Variants in PIP5K1B observed in about 807,000 individuals in gnomAD.
The protein encoded by PIP5K1B is phosphatidylinositol-4-phosphate 5-kinase type 1 beta, also known as phosphatidylinositol 4-phosphate 5-kinase type-1 beta.
PIP5K1B carries 42 observed loss-of-function variants against 67.0 expected under a neutral mutation model. The ratio of observed to expected loss-of-function variants is 0.63; its 90% confidence interval spans 0.49 to 0.81. The LOEUF (loss-of-function observed/expected upper bound fraction) is 0.81. Ranked by LOEUF, PIP5K1B falls within the 30% of genes least tolerant of loss-of-function variation. The pLI is 0.00. For synonymous variants in PIP5K1B, 214 were observed against 231.4 expected (o/e 0.92, Z 0.68); for missense variants, 459 against 646.3 (o/e 0.71, Z 3.14).
chr9:68,872,220 A>G (rs1271040609), intron 5 of PIP5K1B, among the ~76,000 whole-genome samples: 1 of 152,124 alleles, frequency 6.6e-6, no homozygotes, highest in Non-Finnish European at 1.5e-5. Context: ...ACACACAGTA[A>G]ATGTGCCAGC....
At chr9:68,807,198 A>G (rs1354182728) in intron 2 of PIP5K1B, among the ~76,000 whole-genome samples, 2 of 152,166 alleles carry the variant, frequency 1.3e-5, no homozygotes, top group Non-Finnish European at 2.9e-5. Flanking sequence ...CCGGGAATAC[A>G]TGTTTGAGTA....
chr9:68,973,353 G>A (rs1459818787), intron 14 of PIP5K1B, among the ~76,000 whole-genome samples: 1 of 152,182 alleles, frequency 6.6e-6, no homozygotes, highest in African/African-American at 2.4e-5. Context: ...AGCATTTTTA[G>A]TAATAGCCAT....
intron 6 of PIP5K1B, among the ~76,000 whole-genome samples, chr9:68,882,878 T>C (rs1280919303): frequency 6.6e-6 from 1 of 152,168 alleles, no homozygotes. Context: ...CTCAGAATGT[T>C]TTAGTGTCTC....
chr9:68,869,695 A>G (rs952377424), intron 5 of PIP5K1B, among the ~76,000 whole-genome samples: 3 of 152,210 alleles, frequency 2.0e-5, no homozygotes, highest in African/African-American at 7.2e-5. Context: ...AAGATTGCCA[A>G]GGCTGGCTGC....
intron 14 of PIP5K1B, chr9:68,941,021 T>C: frequency 1.6e-6 from 1 of 627,972 alleles, no homozygotes; most frequent in Non-Finnish European, 3.0e-6. Context: ...AGAAATTATA[T>C]ACTTGGCTCA....
intron 15 of PIP5K1B, among the ~76,000 whole-genome samples, chr9:69,005,674 C>T (rs892003210): frequency 1.3e-5 from 2 of 152,200 alleles, no homozygotes; most frequent in East Asian, 1.9e-4. Flanking sequence ...CCACCACACC[C>T]GGACTTTACA....
intron 8 of PIP5K1B, among the ~76,000 whole-genome samples, chr9:68,915,249 G>A (rs1314944655): frequency 5.3e-5 from 8 of 151,878 alleles, no homozygotes; most frequent in East Asian, 1.9e-4. Flanking sequence ...GAAAGGAAGC[G>A]CTAGCACTGA....
intron 14 of PIP5K1B, among the ~76,000 whole-genome samples, chr9:68,983,238 A>G (rs984423523): frequency 6.6e-6 from 1 of 152,124 alleles, no homozygotes; most frequent in Non-Finnish European, 1.5e-5. Context: ...CCTTTAAAAG[A>G]GGTTATTGAG....
At chr9:68,709,095 CTT>C (rs1827261265) in intron 1 of PIP5K1B, among the ~76,000 whole-genome samples, 1 of 152,064 alleles carries the variant, frequency 6.6e-6, no homozygotes, top group African/African-American at 2.4e-5. Context: ...ACAGTTTTGA[CTT>C]TTAGAAATCA....
chr9:68,840,326 G>A (rs868643470), intron 4 of PIP5K1B, among the ~76,000 whole-genome samples: 4 of 151,384 alleles, frequency 2.6e-5, no homozygotes, highest in Middle Eastern at 3.4e-3. Context: ...GTAGTGAACT[G>A]AGATCGCGCC....
intron 6 of PIP5K1B, among the ~76,000 whole-genome samples, chr9:68,882,752 C>T (rs184343808): frequency 2.0e-5 from 3 of 152,306 alleles, no homozygotes; most frequent in Non-Finnish European, 2.9e-5. Context: ...AATCCAAATT[C>T]CTAAAGAGAG....
rs529527033 is a variant in PIP5K1B at position 68,955,951 on chromosome 9, G to A, written c.1502+15161G>A. On this transcript the variant is annotated intron_variant, in intron 14 of 15. Coordinates refer to ENST00000265382, the MANE Select transcript of PIP5K1B (RefSeq NM_003558.4). ...TTTAATGCACCCATCAACCCTCTAC[G>A]GTAAGCACCAGTGGAGCTGACAAAA... Among the ~76,000 whole-genome samples the A allele has an allele frequency of 2.4e-4, 37 of 152,098 alleles. No individual in the cohort carries two copies. The South Asian group carries it at 3.3e-3, about 14-fold the overall frequency.
intron 4 of PIP5K1B, among the ~76,000 whole-genome samples, chr9:68,835,837 A>ATT (rs9314823): frequency 0.32 from 46,240 of 144,236 alleles, 7,515 homozygotes; most frequent in Middle Eastern, 0.36. Flanking sequence ...TAGAAAGTGA[A>ATT]TTTTTTTTTT....
intron 2 of PIP5K1B, among the ~76,000 whole-genome samples, chr9:68,794,048 G>A (rs916986604): frequency 6.6e-6 from 1 of 152,212 alleles, no homozygotes; most frequent in Non-Finnish European, 1.5e-5. Context: ...GTCAGTTGCA[G>A]CTGATCTGAC....
intron 1 of PIP5K1B, among the ~76,000 whole-genome samples, chr9:68,723,447 A>G (rs1392815966): frequency 1.3e-5 from 2 of 151,734 alleles, no homozygotes; most frequent in African/African-American, 4.8e-5. Context: ...ACATCTTTAC[A>G]TTCCCACCAA....
At chr9:68,778,154 G>T (rs1214799563) in intron 2 of PIP5K1B, among the ~76,000 whole-genome samples, 2 of 152,176 alleles carry the variant, frequency 1.3e-5, no homozygotes, top group African/African-American at 4.8e-5. Context: ...ACAGGTTTTT[G>T]AAATGAGTCC....
At chr9:69,002,852 G>A (rs185024413) in intron 15 of PIP5K1B, among the ~76,000 whole-genome samples, 15 of 152,162 alleles carry the variant, frequency 9.9e-5, no homozygotes, top group East Asian at 1.9e-4. Flanking sequence ...GCATGGAGGC[G>A]CATACCTGTA....
At chr9:68,996,055 G>A (rs1830590540) in intron 15 of PIP5K1B, among the ~76,000 whole-genome samples, 1 of 152,118 alleles carries the variant, frequency 6.6e-6, no homozygotes, top group South Asian at 2.1e-4. Flanking sequence ...ATTAGTAGTT[G>A]TAGCCTAATC....
intron 1 of PIP5K1B, among the ~76,000 whole-genome samples, chr9:68,723,027 C>T (rs1827963987): frequency 6.6e-6 from 1 of 152,154 alleles, no homozygotes; most frequent in Non-Finnish European, 1.5e-5. Context: ...TTAGCTCCCA[C>T]ATACGAGTGA....
Sources: allele counts gnomAD v4.1 joint callset (sites outside exome capture counted in the v4.1 genomes callset), GRCh38; gene constraint gnomAD v4.1.1; transcripts MANE v1.5; gene names NCBI Gene and HGNC (gene_info 2026-07-23, HGNC 2026-07-21).